The following RAB11FIP4 variants were observed in gnomAD, a reference collection of about 807,000 sequenced individuals.
RAB11FIP4 encodes the protein rab11 family-interacting protein 4.
Under a neutral mutation model 74.3 loss-of-function variants are expected in RAB11FIP4, and 23 were observed. That is an observed-to-expected ratio of 0.31 (90% CI 0.22 to 0.44). RAB11FIP4 has a LOEUF of 0.44. Ranked by LOEUF, RAB11FIP4 falls within the 20% of genes least tolerant of loss-of-function variation. The pLI is 1.00. For missense variants in RAB11FIP4, 630 were observed against 863.9 expected (o/e 0.73, Z 3.39); for synonymous variants, 360 against 359.9 (o/e 1.00, Z 0.00).
At chr17:31,416,165 G>A (rs2071146180) in intron 1 of RAB11FIP4, among the ~76,000 whole-genome samples, 1 of 152,174 alleles carries the variant, frequency 6.6e-6, no homozygotes, top group African/African-American at 2.4e-5. Context: ...GAAATTCGTG[G>A]TAATGTTCCC....
chr17:31,500,148 C>T (rs994353098), intron 3 of RAB11FIP4, among the ~76,000 whole-genome samples: 10 of 152,046 alleles, frequency 6.6e-5, no homozygotes, highest in African/African-American at 2.4e-4. Flanking sequence ...ACAGTCACAC[C>T]CCATCCAGGA....
chr17:31,498,637 A>T (rs2072161195), intron 3 of RAB11FIP4, among the ~76,000 whole-genome samples: 1 of 152,130 alleles, frequency 6.6e-6, no homozygotes, highest in African/African-American at 2.4e-5. Context: ...TCTGTGGCAG[A>T]GGAGGAGCTG....
chr17:31,423,091 T>C (rs887052798), intron 1 of RAB11FIP4, among the ~76,000 whole-genome samples: 5 of 152,176 alleles, frequency 3.3e-5, no homozygotes, highest in Non-Finnish European at 7.3e-5. Context: ...AGCTAATTTT[T>C]TGCATTTTTA....
intron 3 of RAB11FIP4, among the ~76,000 whole-genome samples, chr17:31,439,396 T>C (rs1424023023): frequency 1.3e-5 from 2 of 152,230 alleles, no homozygotes; most frequent in African/African-American, 2.4e-5. Context: ...ATCCACCTGC[T>C]GGTCTCCGGC....
intron 3 of RAB11FIP4, among the ~76,000 whole-genome samples, chr17:31,474,719 G>A (rs1361024881): frequency 6.6e-6 from 1 of 151,412 alleles, no homozygotes; most frequent in Non-Finnish European, 1.5e-5. Context: ...TCCGGTGCCT[G>A]TAATCCCATC....
chr17:31,496,567 T>C (rs1167547538), intron 3 of RAB11FIP4, among the ~76,000 whole-genome samples: 1 of 152,232 alleles, frequency 6.6e-6, no homozygotes, highest in Non-Finnish European at 1.5e-5. Flanking sequence ...TGAGTTTTCA[T>C]TTTCACATGT....
At chr17:31,447,144 C>T (rs931588954) in intron 3 of RAB11FIP4, among the ~76,000 whole-genome samples, 16 of 152,124 alleles carry the variant, frequency 1.1e-4, no homozygotes, top group African/African-American at 1.7e-4. Context: ...ATTAGCCGGG[C>T]GTGGTGGTGG....
chr17:31,451,063 CCCCAG>C (rs1432449034), intron 3 of RAB11FIP4, among the ~76,000 whole-genome samples: 1 of 152,186 alleles, frequency 6.6e-6, no homozygotes, highest in Non-Finnish European at 1.5e-5. Context: ...GGAGGTTACA[CCCCAG>C]TCCCAGCAGA....
At chr17:31,529,733 T>G (rs1181681209) in intron 13 of RAB11FIP4, among the ~76,000 whole-genome samples, 4 of 152,176 alleles carry the variant, frequency 2.6e-5, no homozygotes, top group Non-Finnish European at 5.9e-5. Flanking sequence ...TTTGTTCCAC[T>G]GGGGACAAAG....
chr17:31,442,864 G>A lies in RAB11FIP4; in HGVS notation c.336+8742G>A, dbSNP rs542898618. ...AATCCCAGCCTCTCGGGAGGCTGAG[G>A]CAGGAGAATCCCTTGAACCCAAGAG... On this transcript the variant is annotated intron_variant, in intron 3 of 14. Coordinates refer to ENST00000621161, the MANE Select transcript of RAB11FIP4 (RefSeq NM_032932.6). Among the ~76,000 whole-genome samples the A allele has an allele frequency of 4.8e-4, 73 of 151,950 alleles. No individual in the cohort carries two copies. The East Asian group carries it at 0.013, about 28-fold the overall frequency.
chr17:31,401,857 C>G (rs1426831471), intron 1 of RAB11FIP4, among the ~76,000 whole-genome samples: 1 of 152,174 alleles, frequency 6.6e-6, no homozygotes, highest in Non-Finnish European at 1.5e-5. Flanking sequence ...CAAGGCAAGC[C>G]CATTCTCACC....
intron 3 of RAB11FIP4, among the ~76,000 whole-genome samples, chr17:31,487,548 A>G (rs1597947451): frequency 6.6e-6 from 1 of 152,168 alleles, no homozygotes; most frequent in Admixed American, 6.5e-5. Flanking sequence ...CTTCACATGA[A>G]AAGGCTGGAA....
At chr17:31,445,576 A>AT (rs1567658421) in intron 3 of RAB11FIP4, among the ~76,000 whole-genome samples, 4 of 10,022 alleles carry the variant, frequency 4.0e-4, no homozygotes, top group Non-Finnish European at 6.4e-4. Flanking sequence ...ATATATATAT[A>AT]TATTTTTTTT....
chr17:31,434,155 G>A, intron 3 of RAB11FIP4, 33 bp downstream of exon 3: 1 of 1,506,808 alleles, frequency 6.6e-7, no homozygotes, highest in Non-Finnish European at 9.0e-7. Flanking sequence ...GACCTCCATG[G>A]CTCTGCCTCC....
intron 1 of RAB11FIP4, among the ~76,000 whole-genome samples, chr17:31,399,068 G>A (rs1029993067): frequency 6.6e-6 from 1 of 152,156 alleles, no homozygotes; most frequent in South Asian, 2.1e-4. Flanking sequence ...TGGAGGAGGG[G>A]TTCTGCCTCA....
chr17:31,495,835 AGTT>A (rs1567676385), intron 3 of RAB11FIP4, among the ~76,000 whole-genome samples: 1 of 152,176 alleles, frequency 6.6e-6, no homozygotes. Flanking sequence ...GCTTGTGTGG[AGTT>A]GTTGACTGCC....
chr17:31,468,794 C>T (rs1414078056), intron 3 of RAB11FIP4, among the ~76,000 whole-genome samples: 2 of 151,546 alleles, frequency 1.3e-5, no homozygotes, highest in African/African-American at 4.8e-5. Context: ...CGCACCACTG[C>T]ACTCCAGCCT....
At position 31,521,165 on chromosome 17, in the gene RAB11FIP4, G is replaced by A; in HGVS notation, c.564-1G>A. ...TGACTTGGGTGCTCTCGGACCCTCA[G>A]GTCCCTGGTCCACACTCCATCCATG... is the stretch of plus-strand genomic sequence containing the variant. On this transcript the variant is annotated splice_acceptor_variant, in intron 4 of 14. Transcript: ENST00000621161. LOFTEE classifies it high-confidence loss of function. 1 of 1,567,288 alleles carries A rather than the reference G, an allele frequency of 6.4e-7. No homozygotes were observed.
At chr17:31,439,315 A>G (rs535297336) in intron 3 of RAB11FIP4, among the ~76,000 whole-genome samples, 2 of 152,330 alleles carry the variant, frequency 1.3e-5, no homozygotes, top group East Asian at 1.9e-4. Context: ...AGCCTGTACC[A>G]TTTGTATCAC....
Sources: gnomAD v4.1 joint callset for allele counts (sites outside exome capture counted in the v4.1 genomes callset) on GRCh38, gnomAD v4.1.1 for gene constraint, MANE v1.5 for transcripts, NCBI Gene and HGNC (gene_info 2026-07-23, HGNC 2026-07-21) for gene names.